The following ACTR2 variants were observed in gnomAD, a reference collection of about 807,000 sequenced individuals.
ACTR2 encodes the protein actin related protein 2, also known as actin-related protein 2.
A neutral mutation model predicts 50.2 loss-of-function variants in ACTR2; 5 were observed. The observed-to-expected ratio is 0.10, with a 90% confidence interval of 0.05 to 0.21. The LOEUF (loss-of-function observed/expected upper bound fraction) is 0.21, where lower values mean the gene tolerates loss of function less well. Among genes scored for constraint, ACTR2 ranks in the 10% least tolerant of loss-of-function variants. The probability of loss-of-function intolerance (pLI) is 1.00; values close to 1 mark genes in which losing one functional copy is unlikely to be tolerated. For synonymous variants in ACTR2, 140 were observed against 162.9 expected (o/e 0.86, Z 1.07); for missense variants, 180 against 480.6 (o/e 0.37, Z 5.85).
chr2:65,255,538 G>T lies in ACTR2; in HGVS notation c.586-7G>T, dbSNP rs184449409. 4.3e-6 allele frequency: 7 copies of T among 1,611,462 alleles called. No individual in the cohort carries two copies. The highest frequency in any genetic ancestry group is 5.9e-6 in the Non-Finnish European group (7 of 1,178,490). On this transcript the variant is annotated splice_polypyrimidine_tract_variant and splice_region_variant and intron_variant, in intron 5 of 8. Transcript: ENST00000260641. ...ATTATGAACTTATTGCTATTGTTTTGTACCAGCTACTTCTGTTGCGAGGAT... is the reference window on the plus strand; with the variant it reads ...ATTATGAACTTATTGCTATTGTTTTTTACCAGCTACTTCTGTTGCGAGGAT...
At chr2:65,235,961 C>G (rs1671731838) in intron 1 of ACTR2, among the ~76,000 whole-genome samples, 1 of 152,048 alleles carries the variant, frequency 6.6e-6, no homozygotes, top group Non-Finnish European at 1.5e-5. Flanking sequence ...ATTGAGGTGG[C>G]ATTGGGAGTG....
chr2:65,268,024 A>G (rs1373126281), intron 8 of ACTR2, among the ~76,000 whole-genome samples: 7 of 151,658 alleles, frequency 4.6e-5, no homozygotes, highest in Admixed American at 4.6e-4. Flanking sequence ...TTTTTAGTAG[A>G]GACGGGGTTT....
At chr2:65,251,158 T>C (rs1268061965) in intron 4 of ACTR2, 59 bp downstream of exon 4, 8 of 1,252,596 alleles carry the variant, frequency 6.4e-6, no homozygotes, top group Admixed American at 4.4e-5. Context: ...ATGTATGTTT[T>C]ATGTCAGAGA....
intron 1 of ACTR2, among the ~76,000 whole-genome samples, chr2:65,234,449 G>A (rs552109262): frequency 3.0e-4 from 45 of 152,136 alleles, no homozygotes; most frequent in Non-Finnish European, 5.7e-4. Flanking sequence ...GGCAGTAATA[G>A]TAGGTTTACA....
At chr2:65,250,907 A>G (rs1015302571) in intron 3 of ACTR2, 120 bp from the exon 4 acceptor site, 3 of 555,476 alleles carry the variant, frequency 5.4e-6, no homozygotes, top group East Asian at 6.6e-5. Context: ...ATGGAAGACT[A>G]TTTCAGGTCC....
At chr2:65,267,862 CTTTTTTTTTTTT>C (rs70943640) in intron 8 of ACTR2, among the ~76,000 whole-genome samples, 82 of 47,418 alleles carry the variant, frequency 1.7e-3, no homozygotes, top group South Asian at 7.1e-3. Flanking sequence ...TGCAAGTCCT[CTTTTTTTTTTTT>C]TTTTTTTTTT....
chr2:65,241,081 G>A (rs774345386), intron 2 of ACTR2, among the ~76,000 whole-genome samples: 1 of 151,934 alleles, frequency 6.6e-6, no homozygotes, highest in Non-Finnish European at 1.5e-5. Flanking sequence ...GACACTCAGT[G>A]TAAGTTTTTC....
intron 4 of ACTR2, among the ~76,000 whole-genome samples, chr2:65,251,310 A>G (rs922540812): frequency 6.6e-6 from 1 of 152,184 alleles, no homozygotes; most frequent in Admixed American, 6.5e-5. Flanking sequence ...AAGGTAAAAA[A>G]AAAAGGCTTA....
intron 6 of ACTR2, among the ~76,000 whole-genome samples, chr2:65,259,250 C>G (rs536415934): frequency 6.6e-6 from 1 of 151,862 alleles, no homozygotes; most frequent in African/African-American, 2.4e-5. Context: ...AAAGCAAGAC[C>G]CCCGTCTCTA....
chr2:65,260,674 C>T (rs1672250811), intron 6 of ACTR2, among the ~76,000 whole-genome samples: 1 of 151,562 alleles, frequency 6.6e-6, no homozygotes, highest in Admixed American at 6.6e-5. Context: ...ACATCATGCA[C>T]TCATGCATCA....
chr2:65,238,441 C>T (rs1162095189), intron 1 of ACTR2, among the ~76,000 whole-genome samples: 3 of 144,254 alleles, frequency 2.1e-5, no homozygotes, highest in Non-Finnish European at 3.0e-5. Context: ...GGGCAGATCA[C>T]GAGGTCAGGA....
At chr2:65,258,314 A>C (rs1558627726) in intron 6 of ACTR2, among the ~76,000 whole-genome samples, 1 of 152,108 alleles carries the variant, frequency 6.6e-6, no homozygotes, top group Non-Finnish European at 1.5e-5. Context: ...AGTGGCTCAC[A>C]CCGGTAATCC....
At chr2:65,255,832 G>A (rs1672139472) in intron 6 of ACTR2, 138 bp downstream of exon 6, 2 of 606,078 alleles carry the variant, frequency 3.3e-6, no homozygotes, top group Admixed American at 3.6e-5. Context: ...GACTTTTAAT[G>A]TCTCTTTCTA....
At chr2:65,236,200 G>T (rs1382579640) in intron 1 of ACTR2, among the ~76,000 whole-genome samples, 2 of 151,962 alleles carry the variant, frequency 1.3e-5, no homozygotes, top group Non-Finnish European at 2.9e-5. Context: ...TTAGCTGGGC[G>T]TGGTGGCAGG....
Position 65,251,083 on chromosome 2 carries a change from G to A in ACTR2, c.432G>A (p.Leu144=), listed in dbSNP as rs1381292911. The change falls in exon 4 of 9, where the codon CTG becomes CTA. Residue 144 remains leucine (L), a synonymous_variant. Coordinates refer to ENST00000260641, the MANE Select transcript of ACTR2 (RefSeq NM_005722.4). Reference sequence around the variant, plus strand: ...TATATGTAGCCATCCAGGCAGTTCTGACTTTGTACGCTCAAGGTAGGTTAA... The same window carrying A: ...TATATGTAGCCATCCAGGCAGTTCTAACTTTGTACGCTCAAGGTAGGTTAA... ...SGVYVAIQAV[L]TLYAQGLLTG... The A allele has an allele frequency of 3.1e-6, 5 of 1,607,682 alleles. No individual in the cohort carries two copies. The highest frequency in any genetic ancestry group is 4.2e-6 in the Non-Finnish European group (5 of 1,176,986).
In ACTR2 at chr2:65,246,512, A is replaced by G. The variant is rs891403692; in HGVS notation, c.160-12A>G. The G allele has an allele frequency of 6.4e-7, 1 of 1,568,344 alleles. No individual in the cohort carries two copies. The highest frequency in any genetic ancestry group is 8.6e-7 in the Non-Finnish European group (1 of 1,157,382). On this transcript the variant is annotated splice_polypyrimidine_tract_variant and intron_variant, in intron 2 of 8. Transcript: ENST00000260641. ...CAAAACTTTGATCTACAGCTTTGAC[A>G]TAATTTTCTAGGATCTTATGGTTGG... is the stretch of plus-strand genomic sequence containing the variant.
At chr2:65,230,861 A>G (rs1034137816) in intron 1 of ACTR2, among the ~76,000 whole-genome samples, 24 of 151,994 alleles carry the variant, frequency 1.6e-4, no homozygotes, top group Admixed American at 1.6e-3. Flanking sequence ...TGAGACCAGC[A>G]TGGCCATCAT....
rs1472126241 is a variant in ACTR2 at position 65,270,910 on chromosome 2, A to T, written c.*2176A>T. The T allele has an allele frequency of 2.0e-5, 3 of 152,106 alleles. No homozygotes were observed. The highest frequency in any genetic ancestry group is 4.4e-5 in the Non-Finnish European group (3 of 68,010). 9.4% of individuals were successfully genotyped at this position (152,106 alleles called of 1,614,324 possible). A position where few individuals can be genotyped will look rare whatever the true frequency, so the allele number is the denominator to read the frequency against. ...AGTATGAGTCCCTCAGGAAAAAAAA[A>T]AAATTCTGTTTTAAAAAGCAATCTG... is the stretch of plus-strand genomic sequence containing the variant. On this transcript the variant is annotated 3_prime_UTR_variant, in exon 9 of 9. Coordinates refer to ENST00000260641, the MANE Select transcript of ACTR2 (RefSeq NM_005722.4).
rs1250218454 is a variant in ACTR2, at chr2:65,254,632, T to A, written c.585+768T>A. ...GGGATATTAGCAATTTCTGGACACA[T>A]TTTTGGTTGTCTGAGCTGGGCAGGA... is the stretch of plus-strand genomic sequence containing the variant. On this transcript the variant is annotated intron_variant, in intron 5 of 8. Coordinates refer to ENST00000260641, the MANE Select transcript of ACTR2 (RefSeq NM_005722.4). Among the ~76,000 whole-genome samples the A allele has an allele frequency of 2.6e-5, 4 of 152,290 alleles. No homozygotes were observed. The East Asian group carries it at 7.7e-4, about 29-fold the overall frequency.
Sources: allele counts gnomAD v4.1 joint callset (sites outside exome capture counted in the v4.1 genomes callset), GRCh38; gene constraint gnomAD v4.1.1; transcripts MANE v1.5; gene names NCBI Gene and HGNC (gene_info 2026-07-23, HGNC 2026-07-21).